Variants in HDAC9 observed in about 807,000 individuals in gnomAD.
HDAC9 encodes histone deacetylase 9.
In HDAC9, 41 loss-of-function variants were observed where a neutral mutation model predicts 139.4. The observed-to-expected ratio is 0.29, with a 90% CI of 0.23 to 0.38. The LOEUF is 0.38. Among genes scored for constraint, HDAC9 ranks in the 10% least tolerant of loss-of-function variants. HDAC9 has a pLI of 1.00. For missense variants in HDAC9, 1,147 were observed against 1,297.0 expected, an observed-to-expected ratio of 0.88 and a Z score of 1.78; for synonymous variants, 517 against 476.2, an observed-to-expected ratio of 1.09 and a Z score of -1.12.
At chr7:18,676,307 G>C (rs985503548) in intron 12 of HDAC9, among the ~76,000 whole-genome samples, 1 of 151,898 alleles carries the variant, frequency 6.6e-6, no homozygotes, top group Non-Finnish European at 1.5e-5. Context: ...AGATTTTTCT[G>C]TCTCTGCTTT....
chr7:18,709,589 T>G (rs1293912490), intron 12 of HDAC9, among the ~76,000 whole-genome samples: 3 of 152,226 alleles, frequency 2.0e-5, no homozygotes, highest in African/African-American at 7.2e-5. Context: ...ATATTATAGC[T>G]TAATTCACTT....
Position 18,696,384 on chromosome 7 carries a change from CATATT to C in HDAC9, c.1731+29912_1731+29916del, listed in dbSNP as rs561438274. 3.4e-3 allele frequency among the ~76,000 whole-genome samples: 506 copies of C among 147,862 alleles called. 2 individuals carry two copies. Among genetic ancestry groups the C allele is most frequent in the Middle Eastern group, 0.014 (4 of 280 alleles). ...ATGTTATAATTATATAGTATAATAA[CATATT>C]ATACTATATAATGTATAAAACTTGT... On this transcript the variant is annotated intron_variant, in intron 12 of 25. Transcript: ENST00000686413.
intron 2 of HDAC9, among the ~76,000 whole-genome samples, chr7:18,225,380 A>C (rs1792986525): frequency 6.6e-6 from 1 of 152,180 alleles, no homozygotes; most frequent in Admixed American, 6.5e-5. Context: ...TGCTTATTGC[A>C]CATTTTGTTC....
intron 21 of HDAC9, among the ~76,000 whole-genome samples, chr7:18,858,957 G>T (rs1474173579): frequency 2.0e-5 from 3 of 152,126 alleles, no homozygotes; most frequent in Admixed American, 6.6e-5. Context: ...AGAGCACTTA[G>T]AAACACTATT....
At chr7:18,444,006 A>T (rs12673729) in intron 1 of HDAC9, among the ~76,000 whole-genome samples, 3 of 151,930 alleles carry the variant, frequency 2.0e-5, no homozygotes, top group Non-Finnish European at 2.9e-5. Flanking sequence ...GTATCTGTCT[A>T]TCTGAAGGAG....
chr7:18,351,300 C>T (rs1454821217), intron 1 of HDAC9, among the ~76,000 whole-genome samples: 2 of 151,898 alleles, frequency 1.3e-5, no homozygotes, highest in African/African-American at 2.4e-5. Flanking sequence ...AATATTTTTC[C>T]CCTTAAAGAT....
rs113809433 is a variant in HDAC9 at position 18,165,656 on chromosome 7, G to A, written c.25+3307G>A. Among the ~76,000 whole-genome samples, 982 of 152,058 alleles carry A rather than the reference G, an allele frequency of 6.5e-3. 10 individuals carry two copies. The highest frequency in any genetic ancestry group is 0.022 in the African/African-American group (915 of 41,464). ...TTTTTAAAAAATTGCTTGGCATGGTGGTGCATGCCTGTAGTCCCTGCTACT... is the reference window on the plus strand; with the variant it reads ...TTTTTAAAAAATTGCTTGGCATGGTAGTGCATGCCTGTAGTCCCTGCTACT... On this transcript the variant is annotated intron_variant, in intron 2 of 12. Coordinates refer to the HDAC9 transcript ENST00000417496.
chr7:18,881,683 A>G (rs1799750004), intron 22 of HDAC9, among the ~76,000 whole-genome samples: 2 of 152,244 alleles, frequency 1.3e-5, no homozygotes, highest in South Asian at 2.1e-4. Flanking sequence ...TTACCTGACT[A>G]TGGTCTTTAA....
intron 1 of HDAC9, among the ~76,000 whole-genome samples, chr7:18,355,909 G>T (rs1011090727): frequency 2.0e-5 from 3 of 152,128 alleles, no homozygotes; most frequent in Non-Finnish European, 4.4e-5. Flanking sequence ...CAAGGGCTGG[G>T]GCAGGAATGG....
At chr7:18,136,100 T>C (rs1436957691) in intron 1 of HDAC9, among the ~76,000 whole-genome samples, 1 of 150,612 alleles carries the variant, frequency 6.6e-6, no homozygotes, top group Non-Finnish European at 1.5e-5. Context: ...ATAAATGTCT[T>C]CTTTTGAGAA....
chr7:18,860,992 T>C (rs1381223580), intron 21 of HDAC9, among the ~76,000 whole-genome samples: 3 of 152,172 alleles, frequency 2.0e-5, no homozygotes, highest in Non-Finnish European at 2.9e-5. Context: ...CCTTTCCAGC[T>C]CTAGTCCTTA....
chr7:18,667,184 T>A (rs1795085524), intron 12 of HDAC9: 1 of 985,374 alleles, frequency 1.0e-6, no homozygotes, highest in African/African-American at 1.7e-5. Flanking sequence ...ATTTTACTTT[T>A]ATTTTGTGTA....
At chr7:18,633,477 T>G (rs1046611947) in intron 7 of HDAC9, among the ~76,000 whole-genome samples, 2 of 152,060 alleles carry the variant, frequency 1.3e-5, no homozygotes, top group African/African-American at 4.8e-5. Context: ...TTAGGATTTT[T>G]TTAAGGGGAT....
At chr7:18,520,586 A>G (rs1380076935) in intron 2 of HDAC9, among the ~76,000 whole-genome samples, 4 of 152,156 alleles carry the variant, frequency 2.6e-5, no homozygotes, top group South Asian at 2.1e-4. Context: ...CCTTCTGTTG[A>G]ATATGATTTT....
intron 1 of HDAC9, among the ~76,000 whole-genome samples, chr7:18,471,007 G>C (rs2128119702): frequency 6.6e-6 from 1 of 151,646 alleles, no homozygotes; most frequent in East Asian, 1.9e-4. Flanking sequence ...TAGTTACTTT[G>C]AACTTTTTTT....
chr7:18,339,529 T>C (rs1006510184), intron 1 of HDAC9, among the ~76,000 whole-genome samples: 8 of 151,500 alleles, frequency 5.3e-5, no homozygotes, highest in Admixed American at 5.3e-4. Flanking sequence ...ATAGATACGA[T>C]AATTTGCATA....
At chr7:18,444,610 A>G (rs1792121531) in intron 1 of HDAC9, among the ~76,000 whole-genome samples, 1 of 152,022 alleles carries the variant, frequency 6.6e-6, no homozygotes, top group African/African-American at 2.4e-5. Context: ...AAGGAGTCTC[A>G]TTATTTTATT....
intron 2 of HDAC9, among the ~76,000 whole-genome samples, chr7:18,500,326 G>T (rs1798040601): frequency 6.6e-6 from 1 of 152,110 alleles, no homozygotes; most frequent in Non-Finnish European, 1.5e-5. Context: ...GATAAATAAT[G>T]AAGTGAGCCC....
chr7:18,659,405 G>C (rs990881343), intron 11 of HDAC9, among the ~76,000 whole-genome samples: 3 of 152,238 alleles, frequency 2.0e-5, no homozygotes, highest in Non-Finnish European at 2.9e-5. Flanking sequence ...AAATTAAGGA[G>C]TTTGCTATAA....
Sources: gnomAD v4.1 joint callset for allele counts (sites outside exome capture counted in the v4.1 genomes callset) on GRCh38, gnomAD v4.1.1 for gene constraint, MANE v1.5 for transcripts, NCBI Gene and HGNC (gene_info 2026-07-23, HGNC 2026-07-21) for gene names.